EBF3: variants seen among roughly 807,000 people sequenced by gnomAD.
EBF3 encodes the protein EBF transcription factor 3, also known as transcription factor COE3.
In EBF3, 18 loss-of-function variants were observed where a neutral mutation model predicts 77.1. The ratio of observed to expected loss-of-function variants is 0.23; its 90% confidence interval spans 0.16 to 0.35. EBF3 has a LOEUF of 0.35. Among genes scored for constraint, EBF3 ranks in the 10% least tolerant of loss-of-function variants. The probability of loss-of-function intolerance (pLI) is 1.00; values close to 1 mark genes in which losing one functional copy is unlikely to be tolerated. For missense variants in EBF3, 558 were observed against 860.0 expected (o/e 0.65, Z 4.39); for synonymous variants, 350 against 343.5 (o/e 1.02, Z -0.21).
chr10:129,863,177 TTC>T lies in EBF3; in HGVS notation c.1039+3962_1039+3963del, dbSNP rs1168115667. Among the ~76,000 whole-genome samples, 4 of 152,324 alleles carry T rather than the reference TTC, an allele frequency of 2.6e-5. No individual in the cohort carries two copies. In the South Asian group the frequency reaches 8.3e-4, roughly 32 times the overall value. On this transcript the variant is annotated intron_variant, in intron 10 of 16. Transcript: ENST00000440978. This position sits in a 1 kb window ranked among gnomAD's most constrained non-coding sequence, Gnocchi z 4.0. ...CTAAGTGCTAGCCGCTTGAAAATTG[TTC>T]TCTCTCTCTAATTTCTGACCTTCTT... is the stretch of plus-strand genomic sequence containing the variant.
chr10:129,839,284 T>C (rs1564811870), intron 15 of EBF3, 89 bp from the exon 16 acceptor site: 3 of 583,992 alleles, frequency 5.1e-6, no homozygotes, highest in South Asian at 3.1e-5. Context: ...GGGAGGAGCA[T>C]ATACCAAAGG....
chr10:129,873,249 C>T (rs371338745), intron 8 of EBF3, among the ~76,000 whole-genome samples: 3 of 152,226 alleles, frequency 2.0e-5, no homozygotes, highest in Non-Finnish European at 2.9e-5. Flanking sequence ...GGGAAAGTCC[C>T]GCTGTTCAAT....
rs1478189101 is a variant in EBF3, at chr10:129,944,830, C to A, written c.554+12428G>T. On this transcript the variant is annotated intron_variant, in intron 6 of 16. Coordinates refer to ENST00000440978, the MANE Select transcript of EBF3 (RefSeq NM_001375380.1). The surrounding 1 kb of genome is among the most constrained non-coding windows in gnomAD (Gnocchi z 5.1). ...TTTGCAGCTGTTGCCTAGGATCAAG[C>A]AAAGGTTATTATCCTCTTCGAAAAC... is the stretch of plus-strand genomic sequence containing the variant. Among the ~76,000 whole-genome samples, 1 of 151,624 alleles carries A rather than the reference C, an allele frequency of 6.6e-6. No homozygotes were observed. Among genetic ancestry groups the A allele is most frequent in the East Asian group, 1.9e-4 (1 of 5,142 alleles).
Position 129,835,305 on chromosome 10 carries a change from T to C in EBF3, c.*2638A>G, listed in dbSNP as rs143635670. On this transcript the variant is annotated 3_prime_UTR_variant, in exon 17 of 17. Transcript: ENST00000440978. ...AGTGAAATTCACAGACAAGAAATAC[T>C]TTAATTAAATATTGTGTAAAATGAA... 20 of 152,736 alleles carry C rather than the reference T, an allele frequency of 1.3e-4. 1 individual carries two copies. The East Asian group carries it at 2.3e-3, about 18-fold the overall frequency. The allele number at this position is 152,736 out of a possible 1,614,324, so 9.5% of individuals were successfully genotyped here.
In EBF3 at chr10:129,861,206, C is replaced by G. The variant is rs1183267460; in HGVS notation, c.1039+5935G>C. On this transcript the variant is annotated intron_variant, in intron 10 of 16. Transcript: ENST00000440978. This position sits in a 1 kb window ranked among gnomAD's most constrained non-coding sequence, Gnocchi z 4.3. Reference sequence around the variant, plus strand: ...CAGCGGTGGGAGCCTGCCCTCCCTCCCTTCCTTTGTGGCTCTGCCTAAGGG... The same window carrying G: ...CAGCGGTGGGAGCCTGCCCTCCCTCGCTTCCTTTGTGGCTCTGCCTAAGGG... Among the ~76,000 whole-genome samples, 2 of 152,090 alleles carry G rather than the reference C, an allele frequency of 1.3e-5. No individual in the cohort carries two copies. Among genetic ancestry groups the G allele is most frequent in the African/African-American group, 4.8e-5 (2 of 41,412 alleles).
chr10:129,949,226 G>A (rs1408531376), intron 6 of EBF3, among the ~76,000 whole-genome samples: 6 of 152,314 alleles, frequency 3.9e-5, no homozygotes, highest in Admixed American at 1.3e-4. Context: ...ACTTGAACCC[G>A]GGAAGCGGAG....
intron 6 of EBF3, among the ~76,000 whole-genome samples, chr10:129,910,395 T>G (rs1030684205): frequency 2.6e-5 from 4 of 152,214 alleles, no homozygotes; most frequent in Admixed American, 6.5e-5. Context: ...AACAGCTATG[T>G]GTATGCACAC....
rs985246604 is a variant in EBF3, at chr10:129,958,839, T to G, written c.485+95A>C. 4 of 1,431,042 alleles carry G rather than the reference T, an allele frequency of 2.8e-6. No homozygotes were observed. The African/African-American group carries it at 4.5e-5, about 16-fold the overall frequency. 88.6% of individuals were successfully genotyped at this position (1,431,042 alleles called of 1,614,324 possible). On this transcript the variant is annotated intron_variant, in intron 5 of 16. Transcript: ENST00000440978. ...TTTCAATCGATGCCCTTCCCGGAGC[T>G]GGGCGGGGTGGCGGCGCCTGGACGC...
At chr10:129,953,027 T>C (rs1222442482) in intron 6 of EBF3, among the ~76,000 whole-genome samples, 1 of 139,680 alleles carries the variant, frequency 7.2e-6, no homozygotes, top group Non-Finnish European at 1.5e-5. Flanking sequence ...GAAACACTGT[T>C]GACTAAAAAA....
intron 6 of EBF3, among the ~76,000 whole-genome samples, chr10:129,878,968 C>T (rs1226434190): frequency 6.6e-6 from 1 of 152,112 alleles, no homozygotes; most frequent in Non-Finnish European, 1.5e-5. Context: ...GAGGCCGAAG[C>T]GAGTGCTATT....
rs768802812 is a variant in EBF3 at position 129,842,337 on chromosome 10, G to A, written c.1195-44C>T. 2.3e-5 allele frequency: 35 copies of A among 1,528,136 alleles called. No individual in the cohort carries two copies. Among genetic ancestry groups the A allele is most frequent in the South Asian group, 5.1e-5 (4 of 78,334 alleles). 94.7% of individuals were successfully genotyped at this position (1,528,136 alleles called of 1,614,324 possible). ...GGAGCCGGCCTGTCACCCCAGGCCC[G>A]GCCCAGCTGGCCGCACTCTCGGGGG... On this transcript the variant is annotated intron_variant, in intron 12 of 16. Coordinates refer to ENST00000440978, the MANE Select transcript of EBF3 (RefSeq NM_001375380.1). This position sits in a 1 kb window ranked among gnomAD's most constrained non-coding sequence, Gnocchi z 4.4.
intron 4 of EBF3, 96 bp downstream of exon 4, chr10:129,962,061 TCAATGGAAAACAAA>T: frequency 9.9e-7 from 1 of 1,007,390 alleles, no homozygotes; most frequent in South Asian, 1.5e-5. Flanking sequence ...TCAAGGAAAC[TCAATGGAAAACAAA>T]TACACGAGAT....
chr10:129,910,751 T>C (rs1855474053), intron 6 of EBF3, among the ~76,000 whole-genome samples: 1 of 152,080 alleles, frequency 6.6e-6, no homozygotes, highest in Non-Finnish European at 1.5e-5. Flanking sequence ...CAGCACGCTC[T>C]AGCCCACACT....
intron 6 of EBF3, among the ~76,000 whole-genome samples, chr10:129,955,215 G>C (rs1377874884): frequency 1.3e-5 from 2 of 152,156 alleles, no homozygotes; most frequent in Non-Finnish European, 2.9e-5. Flanking sequence ...CATTGTATTT[G>C]TCATTTCATA....
At position 129,956,164 on chromosome 10, in the gene EBF3, C is replaced by T. The variant is rs531142503; in HGVS notation, c.554+1094G>A. Among the ~76,000 whole-genome samples, 5 of 152,208 alleles carry T rather than the reference C, an allele frequency of 3.3e-5. No individual in the cohort carries two copies. The East Asian group carries it at 9.6e-4, about 29-fold the overall frequency. On this transcript the variant is annotated intron_variant, in intron 6 of 16. Coordinates refer to ENST00000440978, the MANE Select transcript of EBF3 (RefSeq NM_001375380.1). ...TCCAGCTAGTTAAACATTAGCATTGCTCTCCACTGGTGGCGCATATTTCTT... is the reference window on the plus strand; with the variant it reads ...TCCAGCTAGTTAAACATTAGCATTGTTCTCCACTGGTGGCGCATATTTCTT...
At chr10:129,886,031 T>C (rs1030756503) in intron 6 of EBF3, among the ~76,000 whole-genome samples, 4 of 122,574 alleles carry the variant, frequency 3.3e-5, no homozygotes, top group African/African-American at 1.4e-4. Flanking sequence ...TTTTTGGTTT[T>C]AATTTTTTTT....
rs187026675 is a variant in EBF3, at chr10:129,877,673, C to T, written c.636+95G>A. On this transcript the variant is annotated intron_variant, in intron 7 of 16. Coordinates refer to ENST00000440978, the MANE Select transcript of EBF3 (RefSeq NM_001375380.1). Reference sequence around the variant, plus strand: ...AGTTTGCTTCCAAGCCCTTAAAGAACTCAAGATTACTTCCTGAACAGTTGC... The same window carrying T: ...AGTTTGCTTCCAAGCCCTTAAAGAATTCAAGATTACTTCCTGAACAGTTGC... 7 of 1,076,414 alleles carry T rather than the reference C, an allele frequency of 6.5e-6. No individual in the cohort carries two copies. The Admixed American group carries it at 8.6e-5, about 13-fold the overall frequency. 66.7% of individuals were successfully genotyped at this position (1,076,414 alleles called of 1,614,324 possible).
chr10:129,919,675 G>T lies in EBF3; in HGVS notation c.554+37583C>A, dbSNP rs545440482. On this transcript the variant is annotated intron_variant, in intron 6 of 16. Coordinates refer to ENST00000440978, the MANE Select transcript of EBF3 (RefSeq NM_001375380.1). ...AAGTGTTTATTGACTGCTGCAGGGG[G>T]CAAGGACTCTGCTAAGTGCCAGGTT... Among the ~76,000 whole-genome samples, 5 of 152,298 alleles carry T rather than the reference G, an allele frequency of 3.3e-5. No individual in the cohort carries two copies. The South Asian group carries it at 1.0e-3, about 32-fold the overall frequency.
intron 6 of EBF3, among the ~76,000 whole-genome samples, chr10:129,941,752 C>G (rs1039916973): frequency 5.3e-5 from 8 of 152,250 alleles, no homozygotes; most frequent in African/African-American, 1.9e-4. Context: ...AGCTTGGGGA[C>G]AGGACCAGGC....
Sources: gnomAD v4.1 joint callset for allele counts (sites outside exome capture counted in the v4.1 genomes callset) on GRCh38, gnomAD v4.1.1 for gene constraint, Gnocchi (gnomAD v3.1) non-coding constraint, MANE v1.5 for transcripts, NCBI Gene and HGNC (gene_info 2026-07-23, HGNC 2026-07-21) for gene names.